SULT1E1: variants seen among roughly 807,000 people sequenced by gnomAD.
The protein encoded by SULT1E1 is sulfotransferase 1E1.
SULT1E1 carries 36 observed loss-of-function variants against 33.6 expected under a neutral mutation model. That is an observed-to-expected ratio of 1.07 (90% CI 0.82 to 1.41). The LOEUF (loss-of-function observed/expected upper bound fraction) is 1.41. Among genes scored for constraint, SULT1E1 ranks in the 40% most tolerant of loss-of-function variants. The probability of loss-of-function intolerance (pLI) is 0.00; values close to 1 mark genes in which losing one functional copy is unlikely to be tolerated. For synonymous variants in SULT1E1, 121 were observed against 111.7 expected (o/e 1.08, Z -0.53); for missense variants, 371 against 345.7 (o/e 1.07, Z -0.58).
At chr4:69,829,636 T>G in the SULT1E1 span, among the ~76,000 whole-genome samples, 25 of 152,306 alleles carry the variant, frequency 1.6e-4, no homozygotes, top group Admixed American at 1.6e-3. Context: ...GCCTGCAGGT[T>G]TTGAAGTAGG....
At chr4:69,829,414 C>G in the SULT1E1 span, among the ~76,000 whole-genome samples, 1 of 152,122 alleles carries the variant, frequency 6.6e-6, no homozygotes, top group Non-Finnish European at 1.5e-5. Context: ...ACAATTGGTG[C>G]CTGATTTACT....
At chr4:69,855,531 T>C (rs1363923939) in intron 2 of SULT1E1, 105 bp from the exon 3 acceptor site, 5 of 1,156,604 alleles carry the variant, frequency 4.3e-6, no homozygotes, top group Non-Finnish European at 6.0e-6. Context: ...AATGCAATAC[T>C]ATTTAAAGGG....
downstream of SULT1E1, chr4:69,838,642 T>C (rs1720833934): frequency 1.3e-5 from 2 of 152,170 alleles, no homozygotes; most frequent in African/African-American, 4.8e-5. Flanking sequence ...AATGGTAGCA[T>C]ACAAGGGGCT....
At chr4:69,824,285 G>C in the SULT1E1 span, among the ~76,000 whole-genome samples, 1 of 152,288 alleles carries the variant, frequency 6.6e-6, no homozygotes, top group Non-Finnish European at 1.5e-5. Flanking sequence ...TCCTGGATAA[G>C]TATGCCACCA....
chr4:69,859,774 C>A (rs551207577), intron 1 of SULT1E1, among the ~76,000 whole-genome samples: 1 of 152,054 alleles, frequency 6.6e-6, no homozygotes, highest in South Asian at 2.1e-4. Flanking sequence ...ATGGAGAACA[C>A]GTCCAGCATT....
chr4:69,840,956 G>T (rs1720872966), downstream of SULT1E1, among the ~76,000 whole-genome samples: 1 of 152,140 alleles, frequency 6.6e-6, no homozygotes, highest in Admixed American at 6.5e-5. Context: ...TGAGGCAGGA[G>T]AATGGCGGGA....
chr4:69,834,265 T>C, the SULT1E1 span, among the ~76,000 whole-genome samples: 1 of 152,174 alleles, frequency 6.6e-6, no homozygotes, highest in Non-Finnish European at 1.5e-5. Context: ...TCTCATAACA[T>C]TTCAAATTTG....
At chr4:69,831,615 C>T in the SULT1E1 span, among the ~76,000 whole-genome samples, 4 of 152,168 alleles carry the variant, frequency 2.6e-5, no homozygotes, top group Non-Finnish European at 4.4e-5. Context: ...AATTATTTAA[C>T]GTACATTCCA....
the SULT1E1 span, among the ~76,000 whole-genome samples, chr4:69,826,708 G>A: frequency 2.0e-5 from 3 of 152,022 alleles, no homozygotes; most frequent in Admixed American, 6.6e-5. Flanking sequence ...TCTCTGATGG[G>A]GAAAAATGGC....
the SULT1E1 span, among the ~76,000 whole-genome samples, chr4:69,826,227 T>A: frequency 6.6e-6 from 1 of 152,270 alleles, no homozygotes; most frequent in African/African-American, 2.4e-5. Flanking sequence ...GGACATAACA[T>A]CTTTATAGGA....
intron 7 of SULT1E1, among the ~76,000 whole-genome samples, chr4:69,843,819 G>A (rs956243979): frequency 2.0e-5 from 3 of 152,086 alleles, no homozygotes; most frequent in Non-Finnish European, 4.4e-5. Flanking sequence ...ATCTTTCTGC[G>A]GAATTTCTGG....
chr4:69,826,695 C>T, the SULT1E1 span, among the ~76,000 whole-genome samples: 2 of 151,948 alleles, frequency 1.3e-5, no homozygotes, highest in African/African-American at 4.8e-5. Flanking sequence ...CCCCAATATT[C>T]TCTCTCTGAT....
At chr4:69,836,950 G>T (rs570164955), downstream of SULT1E1, among the ~76,000 whole-genome samples, 1 of 152,176 alleles carries the variant, frequency 6.6e-6, no homozygotes, top group African/African-American at 2.4e-5. Flanking sequence ...AAGCATGGTA[G>T]CATGTGCCTA....
At chr4:69,848,090 G>C (rs1721018919) in intron 5 of SULT1E1, among the ~76,000 whole-genome samples, 1 of 12,898 alleles carries the variant, frequency 7.8e-5, no homozygotes, top group Non-Finnish European at 3.6e-4. Flanking sequence ...TGAAACTGGT[G>C]TGTGTGTGTG....
chr4:69,847,923 T>C (rs1200877689), intron 5 of SULT1E1, 131 bp from the exon 6 acceptor site: 2 of 456,818 alleles, frequency 4.4e-6, no homozygotes, highest in African/African-American at 4.1e-5. Flanking sequence ...ATCAGCTGTA[T>C]ATCTTAAGCA....
In SULT1E1 at chr4:69,841,754, T is replaced by G; in HGVS notation, c.*240A>C. Reference sequence around the variant, plus strand: ...TACTTGGGAGGCTGAGATGGGAGGATCAATTGAGTCAAGGAGGTCAAGGCT... The same window carrying G: ...TACTTGGGAGGCTGAGATGGGAGGAGCAATTGAGTCAAGGAGGTCAAGGCT... On this transcript the variant is annotated 3_prime_UTR_variant, in exon 8 of 8. Coordinates refer to ENST00000226444, the MANE Select transcript of SULT1E1 (RefSeq NM_005420.3). 1 of 311,988 alleles carries G rather than the reference T, an allele frequency of 3.2e-6. No individual in the cohort carries two copies. Among genetic ancestry groups the G allele is most frequent in the Non-Finnish European group, 5.8e-6 (1 of 173,872 alleles). 19.3% of individuals were successfully genotyped at this position (311,988 alleles called of 1,614,324 possible). A position where few individuals can be genotyped will look rare whatever the true frequency, so the allele number is the denominator to read the frequency against.
chr4:69,858,878 C>G (rs1721308095), intron 1 of SULT1E1, among the ~76,000 whole-genome samples: 1 of 152,046 alleles, frequency 6.6e-6, no homozygotes, highest in South Asian at 2.1e-4. Flanking sequence ...TGGTGTTCAG[C>G]CAAGTTTATA....
chr4:69,857,401 A>G (rs940926400), intron 2 of SULT1E1, 99 bp downstream of exon 2: 2 of 1,413,888 alleles, frequency 1.4e-6, no homozygotes, highest in African/African-American at 2.9e-5. Context: ...TCTGTTCTTA[A>G]TATAGAGAAT....
intron 2 of SULT1E1, among the ~76,000 whole-genome samples, chr4:69,856,645 C>G (rs867534481): frequency 8.5e-5 from 13 of 152,138 alleles, no homozygotes; most frequent in South Asian, 4.2e-4. Flanking sequence ...GTCAAGATAA[C>G]TAAGGGCGGC....
Sources: gnomAD v4.1 joint callset for allele counts (sites outside exome capture counted in the v4.1 genomes callset) on GRCh38, gnomAD v4.1.1 for gene constraint, MANE v1.5 for transcripts, NCBI Gene and HGNC (gene_info 2026-07-23, HGNC 2026-07-21) for gene names.